The following SLIT3 variants were observed in gnomAD, a reference collection of about 807,000 sequenced individuals.
SLIT3 encodes the protein slit guidance ligand 3.
In SLIT3, 68 loss-of-function variants were observed where a neutral mutation model predicts 184.0. The ratio of observed to expected loss-of-function variants is 0.37; its 90% CI spans 0.30 to 0.45. The LOEUF (loss-of-function observed/expected upper bound fraction) is 0.45, where lower values mean the gene tolerates loss of function less well. Ranked by LOEUF, SLIT3 falls within the 20% of genes least tolerant of loss-of-function variation. The pLI, the probability that SLIT3 is intolerant of heterozygous loss-of-function variation, is 1.00. For missense variants in SLIT3, 1,707 were observed against 2,026.0 expected (o/e 0.84, Z 3.02); for synonymous variants, 831 against 828.6 (o/e 1.00, Z -0.05).
chr5:168,997,681 C>T (rs1441010534), intron 4 of SLIT3, among the ~76,000 whole-genome samples: 4 of 152,214 alleles, frequency 2.6e-5, no homozygotes, highest in South Asian at 2.1e-4. Flanking sequence ...CCTTTGTTTC[C>T]GGTCACCATG....
intron 1 of SLIT3, among the ~76,000 whole-genome samples, chr5:169,255,133 G>C (rs1765905776): frequency 1.3e-5 from 2 of 152,206 alleles, no homozygotes; most frequent in Admixed American, 6.5e-5. Context: ...AGCACATGCA[G>C]TTATGTACAG....
intron 4 of SLIT3, among the ~76,000 whole-genome samples, chr5:168,927,511 T>G (rs1014358791): frequency 6.6e-6 from 1 of 152,236 alleles, no homozygotes; most frequent in Non-Finnish European, 1.5e-5. Flanking sequence ...GTAAATCTTA[T>G]GTTATTTGCA....
intron 4 of SLIT3, among the ~76,000 whole-genome samples, chr5:169,038,764 A>G (rs553172002): frequency 4.4e-5 from 6 of 136,112 alleles, no homozygotes; most frequent in Admixed American, 2.9e-4. Context: ...CCTGCGTTCT[A>G]TGGCACCACA....
Position 168,946,942 on chromosome 5 carries a change from T to C in SLIT3, c.414-63606A>G, listed in dbSNP as rs114134884. ...TCTGGAACTAAAAATTAGCTCAGTC[T>C]TTTTTTCAAAGAGAAAAGATTTCAC... is the stretch of plus-strand genomic sequence containing the variant. On this transcript the variant is annotated intron_variant, in intron 4 of 35. Transcript: ENST00000519560. Among the ~76,000 whole-genome samples, 527 of 152,302 alleles carry C rather than the reference T, an allele frequency of 3.5e-3. 2 individuals carry two copies. Among genetic ancestry groups the C allele is most frequent in the African/African-American group, 0.012 (500 of 41,576 alleles).
At chr5:168,918,829 T>C (rs1761531038) in intron 4 of SLIT3, among the ~76,000 whole-genome samples, 3 of 152,236 alleles carry the variant, frequency 2.0e-5, no homozygotes, top group Admixed American at 6.5e-5. Flanking sequence ...GTTTCACTTC[T>C]TCTTAAAAAT....
chr5:168,667,375 C>T (rs1188791480), intron 35 of SLIT3, among the ~76,000 whole-genome samples: 1 of 152,234 alleles, frequency 6.6e-6, no homozygotes, highest in Non-Finnish European at 1.5e-5. Context: ...TGCTATAAGA[C>T]ATTTGTATTC....
At chr5:168,764,544 G>T (rs1339427832) in intron 14 of SLIT3, among the ~76,000 whole-genome samples, 1 of 152,174 alleles carries the variant, frequency 6.6e-6, no homozygotes, top group Non-Finnish European at 1.5e-5. Context: ...TCCATAGTGG[G>T]CTATGGTGGT....
rs17070771 is a variant in SLIT3 at position 169,051,492 on chromosome 5, A to C, written c.413+141987T>G. Among the ~76,000 whole-genome samples, 1,393 of 152,352 alleles carry C rather than the reference A, an allele frequency of 9.1e-3. 25 individuals carry two copies. The highest frequency in any genetic ancestry group is 0.032 in the African/African-American group (1,311 of 41,584). On this transcript the variant is annotated intron_variant, in intron 4 of 35. Transcript: ENST00000519560. Reference sequence around the variant, plus strand: ...GATGTCAATCATGTTAATTGGAATCAATAGACAGCTGTTCAGGGGCCCAGG... The same window carrying C: ...GATGTCAATCATGTTAATTGGAATCCATAGACAGCTGTTCAGGGGCCCAGG...
chr5:168,872,838 C>T (rs962652480), intron 5 of SLIT3, among the ~76,000 whole-genome samples: 1 of 151,996 alleles, frequency 6.6e-6, no homozygotes, highest in Admixed American at 6.5e-5. Flanking sequence ...GACGGGGTTT[C>T]ACCGTGTTAG....
chr5:168,826,244 C>A (rs984900666), intron 6 of SLIT3, among the ~76,000 whole-genome samples: 1 of 152,166 alleles, frequency 6.6e-6, no homozygotes, highest in African/African-American at 2.4e-5. Context: ...ATTCCAGAAC[C>A]AAAATGACTA....
At chr5:168,878,117 G>T (rs1759805690) in intron 5 of SLIT3, among the ~76,000 whole-genome samples, 1 of 152,182 alleles carries the variant, frequency 6.6e-6, no homozygotes, top group African/African-American at 2.4e-5. Flanking sequence ...GTCTCTCTAA[G>T]GGTCTCTTTC....
At chr5:168,927,424 G>A (rs1319997389) in intron 4 of SLIT3, among the ~76,000 whole-genome samples, 1 of 152,100 alleles carries the variant, frequency 6.6e-6, no homozygotes, top group Non-Finnish European at 1.5e-5. Context: ...AGATGAAAAG[G>A]GTTCTGAAGA....
At chr5:169,145,359 C>T (rs1481352601) in intron 4 of SLIT3, among the ~76,000 whole-genome samples, 1 of 152,234 alleles carries the variant, frequency 6.6e-6, no homozygotes, top group South Asian at 2.1e-4. Context: ...CATTGCAGGG[C>T]GTGTCAGTTT....
intron 4 of SLIT3, among the ~76,000 whole-genome samples, chr5:169,117,666 A>G (rs1283400466): frequency 3.9e-5 from 6 of 152,200 alleles, no homozygotes; most frequent in African/African-American, 1.4e-4. Flanking sequence ...GTTTGTTTAA[A>G]AAGTCTCACC....
intron 6 of SLIT3, among the ~76,000 whole-genome samples, chr5:168,824,077 T>A (rs115038926): frequency 0.014 from 2,135 of 152,246 alleles, 42 homozygotes; most frequent in South Asian, 0.041. Flanking sequence ...ACCTCTCAAG[T>A]AGCTGGAATT....
At chr5:169,152,397 A>T (rs1337323087) in intron 4 of SLIT3, among the ~76,000 whole-genome samples, 1 of 152,234 alleles carries the variant, frequency 6.6e-6, no homozygotes, top group Non-Finnish European at 1.5e-5. Flanking sequence ...GCGTGCATGC[A>T]TCTCAGCAGG....
At chr5:169,269,639 C>T (rs1410815408) in intron 1 of SLIT3, among the ~76,000 whole-genome samples, 3 of 152,218 alleles carry the variant, frequency 2.0e-5, no homozygotes, top group African/African-American at 7.2e-5. Flanking sequence ...TGCAGTCTGA[C>T]AGTGGGACCA....
intron 1 of SLIT3, among the ~76,000 whole-genome samples, chr5:169,268,901 C>T (rs1201054002): frequency 1.3e-5 from 2 of 151,530 alleles, no homozygotes; most frequent in Admixed American, 6.5e-5. Flanking sequence ...TGAAATATTA[C>T]AGGAATCCTA....
intron 1 of SLIT3, among the ~76,000 whole-genome samples, chr5:169,295,633 T>C (rs919076447): frequency 6.6e-6 from 1 of 152,180 alleles, no homozygotes. Flanking sequence ...CTAACCACGA[T>C]GCTTAGGGGT....
Sources: allele counts gnomAD v4.1 joint callset (sites outside exome capture counted in the v4.1 genomes callset), GRCh38; gene constraint gnomAD v4.1.1; transcripts MANE v1.5; gene names NCBI Gene and HGNC (gene_info 2026-07-23, HGNC 2026-07-21).